The following IL33 variants were observed in gnomAD, a reference collection of about 807,000 sequenced individuals.
IL33 encodes the protein interleukin 33.
Under a neutral mutation model 27.3 loss-of-function variants are expected in IL33, and 37 were observed. That is an observed-to-expected ratio of 1.36 (90% CI 1.04 to 1.78). The LOEUF is 1.78. Among genes scored for constraint, IL33 ranks in the 40% most tolerant of loss-of-function variants. The probability of loss-of-function intolerance (pLI) is 0.00; values close to 1 mark genes in which losing one functional copy is unlikely to be tolerated. For missense variants in IL33, 406 were observed against 311.4 expected (o/e 1.30, Z -2.29); for synonymous variants, 132 against 102.9 (o/e 1.28, Z -1.71).
Position 6,252,857 on chromosome 9 carries a change from TAAC to T in IL33, c.344-4_344-2del, listed in dbSNP as rs774992792. ...TGTGCCTGACAAATTTTTGAATTCT[TAAC>T]AACAGGAATTTCACCTATTACAGAG... On this transcript the variant is annotated splice_region_variant and splice_polypyrimidine_tract_variant and intron_variant, in intron 4 of 7. Coordinates refer to ENST00000682010, the MANE Select transcript of IL33 (RefSeq NM_033439.4). 1.3e-4 allele frequency: 215 copies of T among 1,596,802 alleles called. No individual in the cohort carries two copies. Among genetic ancestry groups the T allele is most frequent in the Admixed American group, 2.4e-4 (13 of 53,988 alleles).
intron 1 of IL33, among the ~76,000 whole-genome samples, chr9:6,235,799 A>G (rs1045831705): frequency 3.9e-5 from 6 of 152,200 alleles, no homozygotes; most frequent in Non-Finnish European, 5.9e-5. Context: ...AATGACACTC[A>G]TTGTTGCTAG....
At chr9:6,253,732 T>C (rs1816554602) in intron 6 of IL33, 130 bp downstream of exon 6, 1 of 619,696 alleles carries the variant, frequency 1.6e-6, no homozygotes, top group Non-Finnish European at 2.8e-6. Flanking sequence ...CCCAAGCTCA[T>C]GGTAAAACCT....
chr9:6,252,756 G>A, intron 4 of IL33, 110 bp from the exon 5 acceptor site: 1 of 1,272,964 alleles, frequency 7.9e-7, no homozygotes, highest in Non-Finnish European at 1.1e-6. Flanking sequence ...CTAGCCAACA[G>A]TGACATACAA....
At position 6,257,767 on chromosome 9, in the gene IL33, G is replaced by C. The variant is rs2130497051; in HGVS notation, c.*1599G>C. The C allele has an allele frequency of 6.6e-6, 1 of 152,178 alleles. No individual in the cohort carries two copies. Among genetic ancestry groups the C allele is most frequent in the East Asian group, 1.9e-4 (1 of 5,180 alleles). 9.4% of individuals were successfully genotyped at this position (152,178 alleles called of 1,614,324 possible). A position where few individuals can be genotyped will look rare whatever the true frequency, so the allele number is the denominator to read the frequency against. On this transcript the variant is annotated 3_prime_UTR_variant, in exon 8 of 8. Coordinates refer to ENST00000682010, the MANE Select transcript of IL33 (RefSeq NM_033439.4). Reference sequence around the variant, plus strand: ...AGAGGCTGAGAATTACCATACAAGGGTATTACAACTGTAAAACAATTTATC... The same window carrying C: ...AGAGGCTGAGAATTACCATACAAGGCTATTACAACTGTAAAACAATTTATC...
chr9:6,233,913 A>C (rs1228944042), intron 1 of IL33, among the ~76,000 whole-genome samples: 1 of 152,146 alleles, frequency 6.6e-6, no homozygotes, highest in Non-Finnish European at 1.5e-5. Flanking sequence ...AGTCCAGTGC[A>C]GTTGTTTTGA....
At chr9:6,221,853 T>C (rs998801580) in intron 1 of IL33, among the ~76,000 whole-genome samples, 1 of 152,152 alleles carries the variant, frequency 6.6e-6, no homozygotes, top group Non-Finnish European at 1.5e-5. Context: ...AGTGGGAAAA[T>C]AATTTAGCCT....
chr9:6,252,491 A>G (rs949863760), intron 4 of IL33, among the ~76,000 whole-genome samples: 7 of 152,174 alleles, frequency 4.6e-5, no homozygotes, highest in Admixed American at 1.3e-4. Flanking sequence ...TTATAGATGA[A>G]CATTTATTTA....
At chr9:6,239,573 A>G (rs1819413716) in intron 1 of IL33, among the ~76,000 whole-genome samples, 1 of 152,000 alleles carries the variant, frequency 6.6e-6, no homozygotes, top group African/African-American at 2.4e-5. Flanking sequence ...CTTGTATTCC[A>G]CTATAGAATA....
chr9:6,223,362 G>A (rs539576601), intron 1 of IL33, among the ~76,000 whole-genome samples: 2 of 151,464 alleles, frequency 1.3e-5, no homozygotes, highest in South Asian at 4.2e-4. Flanking sequence ...TACTATTACT[G>A]GTAATCTGCA....
intron 1 of IL33, among the ~76,000 whole-genome samples, chr9:6,234,753 C>A (rs1819098004): frequency 1.3e-5 from 1 of 79,514 alleles, no homozygotes. Flanking sequence ...ATTCTTTTTG[C>A]CTCCGTCTCC....
chr9:6,248,290 A>T (rs1381338233), intron 2 of IL33, among the ~76,000 whole-genome samples: 6 of 123,526 alleles, frequency 4.9e-5, no homozygotes, highest in Non-Finnish European at 9.4e-5. Flanking sequence ...CTGTCGCCAG[A>T]CTGGAGTGCA....
At chr9:6,250,746 A>C in intron 3 of IL33, 147 bp downstream of exon 3, 1 of 910,026 alleles carries the variant, frequency 1.1e-6, no homozygotes, top group Non-Finnish European at 1.6e-6. Context: ...AGCTATTTTT[A>C]AAAGGGCATA....
intron 2 of IL33, among the ~76,000 whole-genome samples, chr9:6,250,046 C>G (rs1438055116): frequency 6.6e-6 from 1 of 152,154 alleles, no homozygotes; most frequent in Non-Finnish European, 1.5e-5. Flanking sequence ...CAGGTTCACA[C>G]TCCCTCATAT....
At chr9:6,239,041 T>C (rs778118928) in intron 1 of IL33, among the ~76,000 whole-genome samples, 15 of 152,122 alleles carry the variant, frequency 9.9e-5, no homozygotes, top group Non-Finnish European at 1.6e-4. Context: ...TGTCTGATTC[T>C]GAGAGAGAAA....
At chr9:6,251,544 T>C (rs2130430222) in intron 4 of IL33, among the ~76,000 whole-genome samples, 1 of 152,282 alleles carries the variant, frequency 6.6e-6, no homozygotes, top group East Asian at 1.9e-4. Flanking sequence ...GGTGAAAATA[T>C]GTTATCTTTT....
At chr9:6,235,451 T>A (rs1819147632) in intron 1 of IL33, among the ~76,000 whole-genome samples, 1 of 152,218 alleles carries the variant, frequency 6.6e-6, no homozygotes, top group South Asian at 2.1e-4. Flanking sequence ...TTATTTATAA[T>A]CTTGGAAGAG....
intron 4 of IL33, among the ~76,000 whole-genome samples, chr9:6,251,641 C>T (rs1026261162): frequency 2.0e-5 from 3 of 152,018 alleles, no homozygotes; most frequent in Non-Finnish European, 4.4e-5. Context: ...AATTCTAACA[C>T]TTTATACATT....
intron 1 of IL33, among the ~76,000 whole-genome samples, chr9:6,218,789 TATATATATATGTTCTCC>T (rs1564043877): frequency 1.5e-4 from 17 of 111,700 alleles, no homozygotes; most frequent in South Asian, 8.3e-4. Flanking sequence ...ATGTTCTCCA[TATATATATATGTTCTCC>T]ATATATATAT....
intron 4 of IL33, 64 bp downstream of exon 4, chr9:6,251,329 G>C (rs926795973): frequency 2.5e-6 from 4 of 1,595,286 alleles, no homozygotes; most frequent in South Asian, 1.1e-5. Flanking sequence ...ACCCCGGAAA[G>C]TGCTACTCCA....
Sources: gnomAD v4.1 joint callset for allele counts (sites outside exome capture counted in the v4.1 genomes callset) on GRCh38, gnomAD v4.1.1 for gene constraint, MANE v1.5 for transcripts, NCBI Gene and HGNC (gene_info 2026-07-23, HGNC 2026-07-21) for gene names.